Variants in GGTA1 observed in about 807,000 individuals in gnomAD.
GGTA1 encodes glycoprotein alpha-galactosyltransferase 1 (inactive).
A neutral mutation model predicts 2.6 loss-of-function variants in GGTA1; 5 were observed. The ratio of observed to expected loss-of-function variants is 1.92; its 90% CI spans 1.00 to 4.04. GGTA1 has a LOEUF of 4.04. Among genes scored for constraint, GGTA1 ranks in the 30% most tolerant of loss-of-function variants. GGTA1 has a pLI of 0.00. For synonymous variants in GGTA1, 17 were observed against 5.0 expected, an observed-to-expected ratio of 3.38 and a Z score of -3.19; for missense variants, 50 against 16.7, an observed-to-expected ratio of 2.99 and a Z score of -3.47.
In GGTA1 at chr9:121,461,326, T is replaced by A; in HGVS notation, c.117-9A>T. 1 of 454,300 alleles carries A rather than the reference T, an allele frequency of 2.2e-6. No homozygotes were observed. The highest frequency in any genetic ancestry group is 1.6e-5 in the South Asian group (1 of 63,872). The allele number at this position is 454,300 out of a possible 1,614,324, so 28.1% of individuals were successfully genotyped here. On this transcript the variant is annotated splice_polypyrimidine_tract_variant and intron_variant, in intron 3 of 5. Coordinates refer to ENST00000481799, the MANE Select transcript of GGTA1 (RefSeq NM_001382585.1). ...CATCAACTTCTGGGTTTCTAAGAAA[T>A]GAAAAAGTTTACAAATATTTTTAGA...
chr9:121,495,156 G>C (rs1213419824), intron 1 of GGTA1, among the ~76,000 whole-genome samples: 1 of 151,922 alleles, frequency 6.6e-6, no homozygotes, highest in African/African-American at 2.4e-5. Flanking sequence ...CCGACCTCAG[G>C]TGATCTGCCC....
intron 1 of GGTA1, among the ~76,000 whole-genome samples, chr9:121,493,564 T>C (rs929143056): frequency 1.3e-5 from 2 of 152,108 alleles, no homozygotes; most frequent in African/African-American, 2.4e-5. Flanking sequence ...TAGAGAAATC[T>C]TATCATAATA....
chr9:121,487,171 A>G (rs1392364866), intron 1 of GGTA1, among the ~76,000 whole-genome samples: 3 of 152,126 alleles, frequency 2.0e-5, no homozygotes, highest in East Asian at 3.9e-4. Flanking sequence ...GCCCATTCCC[A>G]GTTTGCCCCA....
chr9:121,492,604 G>C (rs2118771240), intron 1 of GGTA1, among the ~76,000 whole-genome samples: 1 of 152,168 alleles, frequency 6.6e-6, no homozygotes, highest in Admixed American at 6.5e-5. Context: ...CTCCCTCATA[G>C]CTGGGATTAC....
intron 1 of GGTA1, among the ~76,000 whole-genome samples, chr9:121,487,023 T>G (rs1323585307): frequency 6.6e-6 from 1 of 151,990 alleles, no homozygotes; most frequent in Non-Finnish European, 1.5e-5. Flanking sequence ...GAAAGAAAAC[T>G]CTGGGGGAAG....
intron 1 of GGTA1, among the ~76,000 whole-genome samples, chr9:121,472,482 C>G (rs1325520262): frequency 6.6e-6 from 1 of 152,004 alleles, no homozygotes; most frequent in East Asian, 1.9e-4. Flanking sequence ...TGAGATAGCA[C>G]AGTGCCTGGT....
At chr9:121,477,573 CTTTTTTTTT>C (rs34446366) in intron 1 of GGTA1, among the ~76,000 whole-genome samples, 1 of 101,494 alleles carries the variant, frequency 9.9e-6, no homozygotes, top group Admixed American at 1.4e-4. Flanking sequence ...TGCAACCTTG[CTTTTTTTTT>C]TTTTTTTTTT....
At chr9:121,493,115 C>A (rs557176487) in intron 1 of GGTA1, among the ~76,000 whole-genome samples, 2 of 150,382 alleles carry the variant, frequency 1.3e-5, no homozygotes, top group Non-Finnish European at 3.0e-5. Flanking sequence ...GCCTGGGTGA[C>A]GGAACGAGAC....
At position 121,474,934 on chromosome 9, in the gene GGTA1, A is replaced by G. The variant is rs182783975; in HGVS notation, c.-9-7003T>C. ...CCTTAATCACTTTCAGGCTATTGTG[A>G]TGGGTCCAGACTGGCACAGGCCCTG... On this transcript the variant is annotated intron_variant, in intron 1 of 5. Coordinates refer to ENST00000481799, the MANE Select transcript of GGTA1 (RefSeq NM_001382585.1). Among the ~76,000 whole-genome samples the G allele has an allele frequency of 2.7e-3, 411 of 152,174 alleles. 2 individuals carry two copies. The highest frequency in any genetic ancestry group is 4.4e-3 in the Non-Finnish European group (299 of 68,010).
downstream of GGTA1, among the ~76,000 whole-genome samples, chr9:121,450,073 A>G (rs1357206138): frequency 6.6e-6 from 1 of 152,170 alleles, no homozygotes. Flanking sequence ...AGTAAAGTGA[A>G]TGGCACTTCT....
downstream of GGTA1, among the ~76,000 whole-genome samples, chr9:121,453,804 GT>G (rs1274815289): frequency 8.5e-5 from 13 of 152,178 alleles, no homozygotes; most frequent in African/African-American, 3.1e-4. Flanking sequence ...GCAAAGTTGG[GT>G]TTTTCCCACA....
At chr9:121,492,923 C>A (rs909482084) in intron 1 of GGTA1, among the ~76,000 whole-genome samples, 1 of 151,798 alleles carries the variant, frequency 6.6e-6, no homozygotes, top group African/African-American at 2.4e-5. Context: ...GCAGGCAGAT[C>A]ACTTGAGGTC....
chr9:121,459,710 A>G (rs535040051), intron 5 of GGTA1, among the ~76,000 whole-genome samples: 17 of 152,090 alleles, frequency 1.1e-4, no homozygotes, highest in African/African-American at 4.1e-4. Context: ...TCTCAAAGTC[A>G]CCCTGGACAG....
At chr9:121,483,769 TC>T (rs1828701420) in intron 1 of GGTA1, among the ~76,000 whole-genome samples, 2 of 152,186 alleles carry the variant, frequency 1.3e-5, no homozygotes, top group South Asian at 2.1e-4. Context: ...TGGCTTCATG[TC>T]CCAGGTCACT....
downstream of GGTA1, among the ~76,000 whole-genome samples, chr9:121,453,846 C>T (rs2064891511): frequency 6.6e-6 from 1 of 152,170 alleles, no homozygotes. Flanking sequence ...GGGTCATCCC[C>T]TGCCTCATCC....
chr9:121,485,760 A>G (rs968691329), intron 1 of GGTA1, among the ~76,000 whole-genome samples: 3 of 152,162 alleles, frequency 2.0e-5, no homozygotes, highest in African/African-American at 2.4e-5. Context: ...TATTTTACAC[A>G]TGAAGATACA....
downstream of GGTA1, among the ~76,000 whole-genome samples, chr9:121,450,523 T>C (rs1273895790): frequency 6.6e-6 from 1 of 152,220 alleles, no homozygotes; most frequent in African/African-American, 2.4e-5. Flanking sequence ...GTCTCAGAGC[T>C]GAGGGCAGAA....
At chr9:121,490,594 C>G (rs954159700) in intron 1 of GGTA1, among the ~76,000 whole-genome samples, 2 of 152,244 alleles carry the variant, frequency 1.3e-5, no homozygotes, top group African/African-American at 4.8e-5. Context: ...GAATGCAGGA[C>G]TGACCTAGGC....
exon 8 of GGTA1, chr9:121,447,385 T>C (rs2064857006): frequency 6.6e-6 from 1 of 152,654 alleles, no homozygotes; most frequent in Non-Finnish European, 1.5e-5. Context: ...GGCCAAGATG[T>C]GCTCCCCAGT....
Sources: gnomAD v4.1 joint callset for allele counts (sites outside exome capture counted in the v4.1 genomes callset) on GRCh38, gnomAD v4.1.1 for gene constraint, MANE v1.5 for transcripts, NCBI Gene and HGNC (gene_info 2026-07-23, HGNC 2026-07-21) for gene names.